The following LEPR variants were observed in gnomAD, a reference collection of about 807,000 sequenced individuals.
LEPR encodes OB receptor.
Under a neutral mutation model 114.7 loss-of-function variants are expected in LEPR, and 56 were observed. The observed-to-expected ratio is 0.49, with a 90% CI of 0.39 to 0.61. The LOEUF is 0.61. LEPR is among the 20% of genes least tolerant of loss of function. The probability of loss-of-function intolerance (pLI) is 0.00; values close to 1 mark genes in which losing one functional copy is unlikely to be tolerated. For missense variants in LEPR, 1,202 were observed against 1,352.9 expected, an observed-to-expected ratio of 0.89 and a Z score of 1.75; for synonymous variants, 443 against 461.4, an observed-to-expected ratio of 0.96 and a Z score of 0.51.
intron 2 of LEPR, among the ~76,000 whole-genome samples, chr1:65,466,114 A>G (rs1647008136): frequency 6.6e-6 from 1 of 152,100 alleles, no homozygotes; most frequent in African/African-American, 2.4e-5. Context: ...CAGTTTCTTC[A>G]TAGTGTCCTT....
chr1:65,525,901 G>A, intron 2 of LEPR: 2 of 949,896 alleles, frequency 2.1e-6, no homozygotes, highest in Non-Finnish European at 1.3e-6. Context: ...TTTGGGACGC[G>A]CGTGGCAGAC....
chr1:65,437,963 G>A (rs921755234), intron 2 of LEPR, among the ~76,000 whole-genome samples: 2 of 151,700 alleles, frequency 1.3e-5, no homozygotes, highest in African/African-American at 2.4e-5. Context: ...ACGGGCCACC[G>A]CAGCTGGCTA....
At chr1:65,443,380 C>T (rs1646673752) in intron 2 of LEPR, among the ~76,000 whole-genome samples, 1 of 151,628 alleles carries the variant, frequency 6.6e-6, no homozygotes, top group Admixed American at 6.6e-5. Flanking sequence ...ATAGCAAGAC[C>T]CTGTCTCTGA....
chr1:65,547,886 T>C (rs1651900069), intron 2 of LEPR, among the ~76,000 whole-genome samples: 1 of 136,230 alleles, frequency 7.3e-6, no homozygotes, highest in African/African-American at 2.8e-5. Context: ...TCTAGTTCTT[T>C]TAATTGTGAT....
At position 65,611,471 on chromosome 1, in the gene LEPR, T is replaced by C. The variant is rs535468710; in HGVS notation, c.1995+1175T>C. 2.6e-5 allele frequency among the ~76,000 whole-genome samples: 4 copies of C among 152,344 alleles called. No homozygotes were observed. The South Asian group carries it at 8.3e-4, about 32-fold the overall frequency. ...CTCCATGGGCACTGTTCCAGATACC[T>C]GCAAACTTCTACAGTGAAGGACAGG... On this transcript the variant is annotated intron_variant, in intron 14 of 19. Transcript: ENST00000349533.
chr1:65,472,944 G>T (rs188702839), intron 2 of LEPR, among the ~76,000 whole-genome samples: 29 of 152,314 alleles, frequency 1.9e-4, no homozygotes, highest in African/African-American at 7.0e-4. Flanking sequence ...CTAATGCAGT[G>T]CAGTATTCCT....
chr1:65,574,405 A>T (rs1557672260), intron 5 of LEPR, among the ~76,000 whole-genome samples: 5 of 85,882 alleles, frequency 5.8e-5, no homozygotes, highest in African/African-American at 1.4e-4. Context: ...AATAATAATA[A>T]AAAAAATTTA....
At position 65,636,466 on chromosome 1, in the gene LEPR, T is replaced by C. The variant is rs1658722019; in HGVS notation, c.2949T>C (p.Phe983=). ...TYEDESQRQP[F]VKYATLISNS... ...AGGACGAAAGCCAGAGACAACCCTT[T>C]GTTAAATACGCCACGCTGATCAGCA... The change falls in exon 20 of 20, where the codon TTT becomes TTC. Residue 983 remains phenylalanine, a synonymous_variant. Transcript: ENST00000349533. The C allele has an allele frequency of 6.2e-7, 1 of 1,613,950 alleles. No homozygotes were observed. The highest frequency in any genetic ancestry group is 1.3e-5 in the African/African-American group (1 of 74,918).
At chr1:65,441,882 TCCCTCCTTTG>T (rs1251077850) in intron 2 of LEPR, among the ~76,000 whole-genome samples, 1 of 152,176 alleles carries the variant, frequency 6.6e-6, no homozygotes, top group African/African-American at 2.4e-5. Context: ...CCATTGCTTC[TCCCTCCTTTG>T]CCCCAGATTC....
At chr1:65,465,917 G>A (rs1331527003) in intron 2 of LEPR, among the ~76,000 whole-genome samples, 1 of 152,094 alleles carries the variant, frequency 6.6e-6, no homozygotes, top group African/African-American at 2.4e-5. Flanking sequence ...GCCTATGTGT[G>A]TCTTTGCACA....
At chr1:65,517,892 T>C (rs980765126) in intron 2 of LEPR, among the ~76,000 whole-genome samples, 9 of 152,246 alleles carry the variant, frequency 5.9e-5, no homozygotes, top group African/African-American at 2.2e-4. Context: ...ATTCCACACA[T>C]TGACATTAGT....
intron 2 of LEPR, among the ~76,000 whole-genome samples, chr1:65,481,610 T>C (rs867325714): frequency 6.6e-6 from 1 of 151,946 alleles, no homozygotes; most frequent in Admixed American, 6.6e-5. Context: ...ATAGGTATAA[T>C]AAATAAAAGT....
At chr1:65,588,303 AT>A (rs151102754) in intron 5 of LEPR, among the ~76,000 whole-genome samples, 15 of 150,352 alleles carry the variant, frequency 1.0e-4, no homozygotes, top group Admixed American at 2.0e-4. Context: ...GCTAATTATA[AT>A]TTTTTTTTTA....
intron 2 of LEPR, among the ~76,000 whole-genome samples, chr1:65,444,727 G>A (rs1050298413): frequency 2.0e-5 from 3 of 152,132 alleles, no homozygotes; most frequent in African/African-American, 7.2e-5. Flanking sequence ...GTGGCACTGA[G>A]TTAAAAATTA....
chr1:65,619,835 A>G (rs1657766837), intron 16 of LEPR, 93 bp from the exon 17 acceptor site: 4 of 997,924 alleles, frequency 4.0e-6, no homozygotes, highest in African/African-American at 1.6e-5. Flanking sequence ...TTGGAAATAT[A>G]TGATAGTCAC....
chr1:65,499,795 G>A (rs1287617851), intron 2 of LEPR, among the ~76,000 whole-genome samples: 3 of 152,014 alleles, frequency 2.0e-5, no homozygotes, highest in Admixed American at 6.6e-5. Context: ...CCAAGTATTT[G>A]TATAAAATTT....
intron 2 of LEPR, among the ~76,000 whole-genome samples, chr1:65,545,870 G>A (rs1395260596): frequency 6.6e-6 from 1 of 151,868 alleles, no homozygotes; most frequent in Non-Finnish European, 1.5e-5. Context: ...TTTTAGACAT[G>A]AAGTCCTTGC....
In LEPR at chr1:65,426,232, G is replaced by A. The variant is rs1353421339; in HGVS notation, c.-21+854G>A. Among the ~76,000 whole-genome samples, 3 of 152,120 alleles carry A rather than the reference G, an allele frequency of 2.0e-5. No homozygotes were observed. The East Asian group carries it at 5.8e-4, about 29-fold the overall frequency. On this transcript the variant is annotated intron_variant, in intron 2 of 19. Coordinates refer to ENST00000349533, the MANE Select transcript of LEPR (RefSeq NM_002303.6). Reference sequence around the variant, plus strand: ...CAGGAAAGCTGAATGCTAAGGCCCGGAGACATGAAAGTGTATATAGCCTTT... The same window carrying A: ...CAGGAAAGCTGAATGCTAAGGCCCGAAGACATGAAAGTGTATATAGCCTTT...
intron 5 of LEPR, among the ~76,000 whole-genome samples, chr1:65,584,457 A>G (rs1264174502): frequency 6.6e-6 from 1 of 152,076 alleles, no homozygotes; most frequent in Admixed American, 6.6e-5. Context: ...GTTCATACTA[A>G]TATGTCCCAT....
Sources: gnomAD v4.1 joint callset for allele counts (sites outside exome capture counted in the v4.1 genomes callset) on GRCh38, gnomAD v4.1.1 for gene constraint, MANE v1.5 for transcripts, NCBI Gene and HGNC (gene_info 2026-07-23, HGNC 2026-07-21) for gene names.